Variants in OPCML observed in about 807,000 individuals in gnomAD.
The protein encoded by OPCML is opioid-binding protein/cell adhesion molecule.
Under a neutral mutation model 37.8 loss-of-function variants are expected in OPCML, and 13 were observed. The observed-to-expected ratio is 0.34, with a 90% CI of 0.22 to 0.55. OPCML has a LOEUF of 0.55. OPCML is among the 20% of genes least tolerant of loss of function. OPCML has a pLI of 0.91. For missense variants in OPCML, 341 were observed against 435.6 expected (o/e 0.78, Z 1.93); for synonymous variants, 176 against 168.8 (o/e 1.04, Z -0.33).
chr11:133,201,473 G>T (rs1427649936), intron 1 of OPCML, among the ~76,000 whole-genome samples: 4 of 151,990 alleles, frequency 2.6e-5, no homozygotes, highest in Non-Finnish European at 4.4e-5. Context: ...CTCCCCCATT[G>T]CTCTAAGCTT....
At chr11:133,034,783 G>T (rs1294946865) in intron 1 of OPCML, among the ~76,000 whole-genome samples, 1 of 149,904 alleles carries the variant, frequency 6.7e-6, no homozygotes, top group Non-Finnish European at 1.5e-5. Flanking sequence ...TGTTACTAAG[G>T]AACAAGTACT....
intron 1 of OPCML, among the ~76,000 whole-genome samples, chr11:133,231,668 T>G (rs560780513): frequency 1.3e-5 from 2 of 152,262 alleles, no homozygotes; most frequent in African/African-American, 4.8e-5. Flanking sequence ...AAGTCAGACT[T>G]GCAGCTCTTC....
chr11:133,472,415 C>G (rs1419615573), intron 1 of OPCML, among the ~76,000 whole-genome samples: 1 of 152,034 alleles, frequency 6.6e-6, no homozygotes, highest in Non-Finnish European at 1.5e-5. Flanking sequence ...TAGGGAGCAG[C>G]GTTTCAGAGC....
chr11:133,097,858 T>C (rs561209485), intron 1 of OPCML, among the ~76,000 whole-genome samples: 2 of 152,262 alleles, frequency 1.3e-5, no homozygotes, highest in Non-Finnish European at 1.5e-5. Flanking sequence ...CTGAGGAAAT[T>C]AAATAAATAG....
chr11:133,312,906 G>A (rs1015033887), intron 1 of OPCML, among the ~76,000 whole-genome samples: 3 of 152,142 alleles, frequency 2.0e-5, no homozygotes, highest in South Asian at 2.1e-4. Context: ...TAAAGGATAG[G>A]CGGTATATTA....
chr11:133,488,039 G>A (rs2120412249), intron 1 of OPCML, among the ~76,000 whole-genome samples: 1 of 152,184 alleles, frequency 6.6e-6, no homozygotes, highest in East Asian at 1.9e-4. Flanking sequence ...CATTTCAATA[G>A]ATGCAGAAAA....
intron 2 of OPCML, among the ~76,000 whole-genome samples, chr11:132,880,591 A>C (rs1278510392): frequency 2.0e-5 from 3 of 152,230 alleles, no homozygotes; most frequent in Non-Finnish European, 4.4e-5. Context: ...TGGAATGTAA[A>C]ACATTGTTAG....
intron 4 of OPCML, among the ~76,000 whole-genome samples, chr11:132,481,805 G>A (rs1258034135): frequency 2.7e-5 from 4 of 150,738 alleles, no homozygotes; most frequent in Admixed American, 2.6e-4. Flanking sequence ...TGAACAACCC[G>A]CTCCTGAATG....
At chr11:132,658,047 C>G (rs551707583) in intron 2 of OPCML, among the ~76,000 whole-genome samples, 2 of 152,168 alleles carry the variant, frequency 1.3e-5, no homozygotes, top group Non-Finnish European at 2.9e-5. Context: ...CTTAACAATT[C>G]AAAGCTATGA....
chr11:132,809,919 G>A (rs1262397982), intron 2 of OPCML, among the ~76,000 whole-genome samples: 2 of 152,072 alleles, frequency 1.3e-5, no homozygotes, highest in Admixed American at 6.6e-5. Context: ...GCGCGATCTC[G>A]GCTCACTGCA....
chr11:133,352,142 T>C (rs1172224061), intron 1 of OPCML, among the ~76,000 whole-genome samples: 3 of 152,206 alleles, frequency 2.0e-5, no homozygotes, highest in Non-Finnish European at 4.4e-5. Flanking sequence ...ACCATTTCAC[T>C]CTAATGGCTA....
At chr11:132,588,657 G>A (rs1485958068) in intron 3 of OPCML, among the ~76,000 whole-genome samples, 1 of 152,134 alleles carries the variant, frequency 6.6e-6, no homozygotes, top group South Asian at 2.1e-4. Flanking sequence ...GTTTCTCTAT[G>A]GGAATGGCTT....
At position 133,141,005 on chromosome 11, in the gene OPCML, ACGACGACGACGACGACGAC is replaced by A. The variant is rs1949804763; in HGVS notation, c.62-198014_62-197996del. Among the ~76,000 whole-genome samples the A allele has an allele frequency of 3.0e-4, 3 of 9,930 alleles. 1 individual carries two copies. Among genetic ancestry groups the A allele is most frequent in the African/African-American group, 6.0e-4 (3 of 5,018 alleles). 6.5% of individuals were successfully genotyped at this position (9,930 alleles called of 152,430 possible). ...GAAGAAGAAGAAGAAGAAGACGACG[ACGACGACGACGACGACGAC>A]GACGACGACGACGACGACGACGACG... On this transcript the variant is annotated intron_variant, in intron 1 of 7. Coordinates refer to ENST00000524381, the MANE Select transcript of OPCML (RefSeq NM_001012393.5).
intron 3 of OPCML, among the ~76,000 whole-genome samples, chr11:132,642,431 CAT>C (rs1302468618): frequency 6.6e-6 from 1 of 151,076 alleles, no homozygotes; most frequent in African/African-American, 2.5e-5. Flanking sequence ...AGGTATCACA[CAT>C]AAACACACAC....
intron 1 of OPCML, among the ~76,000 whole-genome samples, chr11:133,285,970 C>G (rs1343039058): frequency 6.6e-6 from 1 of 152,122 alleles, no homozygotes; most frequent in Non-Finnish European, 1.5e-5. Context: ...AGATAACTGA[C>G]AACTCAAAAC....
intron 1 of OPCML, among the ~76,000 whole-genome samples, chr11:133,022,972 G>A (rs777699327): frequency 6.6e-6 from 1 of 152,206 alleles, no homozygotes; most frequent in African/African-American, 2.4e-5. Context: ...CATGGGGAAA[G>A]GCAGGCGAAT....
chr11:133,425,678 G>A (rs771779524), intron 1 of OPCML, among the ~76,000 whole-genome samples: 1 of 152,292 alleles, frequency 6.6e-6, no homozygotes, highest in African/African-American at 2.4e-5. Context: ...ATCACATGGA[G>A]TAGGGGTCTA....
chr11:133,034,859 T>G (rs1947748820), intron 1 of OPCML, among the ~76,000 whole-genome samples: 1 of 152,088 alleles, frequency 6.6e-6, no homozygotes, highest in Non-Finnish European at 1.5e-5. Context: ...CCCAGATCTT[T>G]TTTTATGCAC....
At chr11:132,915,119 T>C (rs1382132399) in intron 2 of OPCML, among the ~76,000 whole-genome samples, 2 of 152,218 alleles carry the variant, frequency 1.3e-5, no homozygotes, top group African/African-American at 4.8e-5. Flanking sequence ...ATACAGAACA[T>C]GTGTATCCCA....
Sources: allele counts gnomAD v4.1 joint callset (sites outside exome capture counted in the v4.1 genomes callset), GRCh38; gene constraint gnomAD v4.1.1; transcripts MANE v1.5; gene names NCBI Gene and HGNC (gene_info 2026-07-23, HGNC 2026-07-21).